The following STK31 variants were observed in gnomAD, a reference collection of about 807,000 sequenced individuals.
STK31 encodes the protein serine/threonine kinase 31.
A neutral mutation model predicts 129.7 loss-of-function variants in STK31; 89 were observed. That is an observed-to-expected ratio of 0.69 (90% CI 0.58 to 0.82). STK31 has a LOEUF of 0.82. Ranked by LOEUF, STK31 falls within the 40% of genes least tolerant of loss-of-function variation. The probability of loss-of-function intolerance (pLI) is 0.00; values close to 1 mark genes in which losing one functional copy is unlikely to be tolerated. For synonymous variants in STK31, 448 were observed against 395.3 expected (o/e 1.13, Z -1.58); for missense variants, 1,187 against 1,176.4 (o/e 1.01, Z -0.13).
chr7:23,784,280 C>G (rs577266762), intron 17 of STK31, among the ~76,000 whole-genome samples: 5 of 152,098 alleles, frequency 3.3e-5, no homozygotes, highest in Admixed American at 3.3e-4. Context: ...TTAAGATTGT[C>G]ACGAAGTCCA....
At chr7:23,752,350 A>ATTTTT (rs140189040) in intron 8 of STK31, among the ~76,000 whole-genome samples, 5 of 140,834 alleles carry the variant, frequency 3.6e-5, no homozygotes, top group African/African-American at 1.3e-4. Flanking sequence ...CAAATTTGGA[A>ATTTTT]TTTTTTTTTT....
chr7:23,793,736 C>G (rs539660557), intron 22 of STK31, among the ~76,000 whole-genome samples: 1 of 152,168 alleles, frequency 6.6e-6, no homozygotes, highest in Non-Finnish European at 1.5e-5. Flanking sequence ...ATCGTACCAA[C>G]GGTTGCTTAG....
At chr7:23,762,667 G>A in intron 10 of STK31, 134 bp from the exon 11 acceptor site, 3 of 965,570 alleles carry the variant, frequency 3.1e-6, no homozygotes, top group Non-Finnish European at 4.4e-6. Context: ...GTTGATCTAA[G>A]GAGAGAAATG....
At chr7:23,727,159 A>C in intron 4 of STK31, 82 bp from the exon 5 acceptor site, 16 of 1,085,696 alleles carry the variant, frequency 1.5e-5, no homozygotes, top group Non-Finnish European at 1.9e-5. Context: ...ACATATAGGA[A>C]GAGCTTAAAT....
intron 22 of STK31, chr7:23,791,356 G>A: frequency 1.0e-6 from 1 of 972,534 alleles, no homozygotes; most frequent in Non-Finnish European, 1.2e-6. Flanking sequence ...ATTATCCTAA[G>A]CGAATTTACT....
chr7:23,791,166 G>A lies in STK31; in HGVS notation c.2760+220G>A, dbSNP rs1383091578. 5.1e-6 allele frequency: 4 copies of A among 786,210 alleles called. No homozygotes were observed. In the African/African-American group the frequency reaches 7.5e-5, roughly 15 times the overall value. 48.7% of individuals were successfully genotyped at this position (786,210 alleles called of 1,614,324 possible). ...GGTATCATGCTATTGTCTTGGTTCT[G>A]TTGAAGTCAAGATTAACAGTGAAGA... On this transcript the variant is annotated intron_variant, in intron 22 of 23. Transcript: ENST00000355870.
intron 22 of STK31, among the ~76,000 whole-genome samples, chr7:23,797,013 A>G (rs557462900): frequency 6.6e-6 from 1 of 152,242 alleles, no homozygotes; most frequent in African/African-American, 2.4e-5. Context: ...AAGAAAGTGT[A>G]AGAAGGGCAT....
intron 4 of STK31, 151 bp downstream of exon 4, chr7:23,717,730 T>C (rs1031048387): frequency 1.6e-5 from 10 of 624,496 alleles, no homozygotes; most frequent in Non-Finnish European, 2.6e-5. Context: ...TATTTATTAA[T>C]TCAAAAATAC....
chr7:23,823,053 A>G (rs1269708807), intron 23 of STK31, among the ~76,000 whole-genome samples: 2 of 152,152 alleles, frequency 1.3e-5, no homozygotes, highest in African/African-American at 4.8e-5. Flanking sequence ...GCCGCAATAA[A>G]CGTATGTGTG....
intron 4 of STK31, among the ~76,000 whole-genome samples, chr7:23,720,889 A>G (rs757579729): frequency 1.3e-4 from 20 of 152,212 alleles, no homozygotes; most frequent in Admixed American, 3.9e-4. Context: ...TCTACAAAGC[A>G]TTTGATTTCC....
chr7:23,720,883 C>T (rs546558498), intron 4 of STK31, among the ~76,000 whole-genome samples: 30 of 152,188 alleles, frequency 2.0e-4, no homozygotes, highest in African/African-American at 7.2e-4. Flanking sequence ...AATAGGTCTA[C>T]AAAGCATTTG....
intron 23 of STK31, among the ~76,000 whole-genome samples, chr7:23,825,065 TG>T (rs1794044434): frequency 6.6e-6 from 1 of 152,006 alleles, no homozygotes; most frequent in East Asian, 1.9e-4. Context: ...TTGTCTTTTT[TG>T]GTTGTGTCTC....
chr7:23,795,959 G>C (rs538917003), intron 22 of STK31, among the ~76,000 whole-genome samples: 4 of 152,228 alleles, frequency 2.6e-5, no homozygotes, highest in Non-Finnish European at 5.9e-5. Context: ...CCTTATTTCA[G>C]ATGAGACTTT....
At chr7:23,773,745 G>GTA (rs1314127112) in intron 15 of STK31, among the ~76,000 whole-genome samples, 1 of 137,918 alleles carries the variant, frequency 7.3e-6, no homozygotes. Flanking sequence ...GTGTGTGTGT[G>GTA]TGTGTGTGTG....
chr7:23,730,758 TAAAA>T (rs1179339118), intron 6 of STK31, among the ~76,000 whole-genome samples: 2 of 150,124 alleles, frequency 1.3e-5, no homozygotes, highest in South Asian at 4.2e-4. Context: ...AAAAAGACAT[TAAAA>T]AAAGTTAATT....
chr7:23,785,072 G>T (rs558774262), intron 17 of STK31, among the ~76,000 whole-genome samples: 93 of 152,184 alleles, frequency 6.1e-4, no homozygotes, highest in African/African-American at 2.1e-3. Context: ...TGAGATTTTA[G>T]TGCACCCATC....
chr7:23,730,055 G>A (rs1374559421), intron 6 of STK31, among the ~76,000 whole-genome samples: 2 of 152,066 alleles, frequency 1.3e-5, no homozygotes, highest in African/African-American at 4.8e-5. Flanking sequence ...ACTTTCCATT[G>A]AATTTTGGGT....
At chr7:23,783,811 T>C (rs1469112510) in intron 17 of STK31, 148 bp downstream of exon 17, 6 of 589,258 alleles carry the variant, frequency 1.0e-5, no homozygotes, top group African/African-American at 9.5e-5. Context: ...CTTTTTCTTA[T>C]GACCCTTTAA....
At chr7:23,731,002 A>G (rs573490314) in intron 6 of STK31, among the ~76,000 whole-genome samples, 8 of 148,854 alleles carry the variant, frequency 5.4e-5, no homozygotes, top group African/African-American at 2.0e-4. Context: ...CTCCTGCCTC[A>G]GTCTCCTGAT....
Sources: allele counts gnomAD v4.1 joint callset (sites outside exome capture counted in the v4.1 genomes callset), GRCh38; gene constraint gnomAD v4.1.1; transcripts MANE v1.5; gene names NCBI Gene and HGNC (gene_info 2026-07-23, HGNC 2026-07-21).